The following PCDHA7 variants were observed in gnomAD, a reference collection of about 807,000 sequenced individuals.
The protein encoded by PCDHA7 is protocadherin alpha 7.
PCDHA7 carries 37 observed loss-of-function variants against 57.2 expected under a neutral mutation model. The ratio of observed to expected loss-of-function variants is 0.65; its 90% CI spans 0.50 to 0.85. PCDHA7 has a LOEUF of 0.85. PCDHA7 is among the 40% of genes least tolerant of loss of function. PCDHA7 has a pLI of 0.00. For missense variants in PCDHA7, 1,188 were observed against 1,241.8 expected (o/e 0.96, Z 0.65); for synonymous variants, 553 against 558.8 (o/e 0.99, Z 0.15).
chr5:140,843,489 G>T lies in PCDHA7; in HGVS notation c.2355+6751G>T, dbSNP rs2150361158. On this transcript the variant is annotated intron_variant, in intron 1 of 3. Transcript: ENST00000525929. ...CTGCTGCTGTACACTGCGCTGCGGT[G>T]CTCAGCACTGCCCACTGAGGGCGGG... The T allele has an allele frequency of 1.3e-6, 2 of 1,596,080 alleles. No homozygotes were observed. The highest frequency in any genetic ancestry group is 1.7e-6 in the Non-Finnish European group (2 of 1,165,638).
chr5:140,972,316 GT>G (rs112435719), intron 1 of PCDHA7, among the ~76,000 whole-genome samples: 1,932 of 139,568 alleles, frequency 0.014, 18 homozygotes, highest in African/African-American at 0.036. Context: ...GTTTTTAGGT[GT>G]TTTTTTTTTT....
chr5:140,929,528 T>C, intron 1 of PCDHA7: 1 of 693,446 alleles, frequency 1.4e-6, no homozygotes, highest in African/African-American at 1.9e-5. Context: ...TAGTTTATTT[T>C]TGAGAAACAA....
chr5:140,962,757 T>C (rs1554226219), intron 1 of PCDHA7, among the ~76,000 whole-genome samples: 1 of 152,240 alleles, frequency 6.6e-6, no homozygotes, highest in Non-Finnish European at 1.5e-5. Context: ...GGAATCCTAT[T>C]CGTTTTTAAC....
intron 1 of PCDHA7, among the ~76,000 whole-genome samples, chr5:140,970,594 T>C (rs975404675): frequency 6.6e-6 from 1 of 152,206 alleles, no homozygotes; most frequent in Admixed American, 6.5e-5. Flanking sequence ...ATATGCTTTG[T>C]GATACTTAAA....
At chr5:140,858,653 TTTTAAATAACAATTTATTCTGAATACAC>T in intron 1 of PCDHA7, 1 of 816,482 alleles carries the variant, frequency 1.2e-6, no homozygotes, top group Non-Finnish European at 1.9e-6. Flanking sequence ...ACTTAAATTT[TTTTAAATAACAATTTATTCTGAATACAC>T]TAATATTTTC....
chr5:140,883,065 C>G, intron 1 of PCDHA7: 1 of 1,614,056 alleles, frequency 6.2e-7, no homozygotes, highest in Non-Finnish European at 8.5e-7. Context: ...AAGCTAAATG[C>G]CACAGATCCT....
At chr5:140,988,468 A>G (rs1184589294) in intron 3 of PCDHA7, among the ~76,000 whole-genome samples, 1 of 152,186 alleles carries the variant, frequency 6.6e-6, no homozygotes, top group African/African-American at 2.4e-5. Flanking sequence ...GGGTGTGGGA[A>G]GGGGAATTAG....
intron 1 of PCDHA7, chr5:140,876,546 T>A (rs782795906): frequency 6.2e-7 from 1 of 1,614,218 alleles, no homozygotes; most frequent in Non-Finnish European, 8.5e-7. Context: ...TGTCGCTCCC[T>A]GTGCAAGAGG....
chr5:140,874,587 T>A (rs1221042797), intron 1 of PCDHA7, among the ~76,000 whole-genome samples: 1 of 152,256 alleles, frequency 6.6e-6, no homozygotes, highest in Admixed American at 6.5e-5. Flanking sequence ...TGCTTTGGGA[T>A]AGTGTGAAAT....
intron 1 of PCDHA7, among the ~76,000 whole-genome samples, chr5:140,880,234 G>T (rs560785672): frequency 1.8e-4 from 28 of 152,250 alleles, no homozygotes; most frequent in Non-Finnish European, 2.8e-4. Context: ...TTAAATTAGT[G>T]TATGTGCGTG....
At chr5:140,843,109 A>T (rs2150352812) in intron 1 of PCDHA7, 2 of 1,595,800 alleles carry the variant, frequency 1.3e-6, no homozygotes. Context: ...AGGTGCGCGC[A>T]GTGGACGCCG....
intron 1 of PCDHA7, chr5:140,871,103 C>G (rs202137231): frequency 4.3e-6 from 7 of 1,613,290 alleles, no homozygotes; most frequent in South Asian, 2.2e-5. Flanking sequence ...GTGCTGGTGT[C>G]GTTGGTGGAG....
chr5:140,855,741 A>C, intron 1 of PCDHA7: 2 of 313,634 alleles, frequency 6.4e-6, no homozygotes, highest in Non-Finnish European at 5.9e-6. Flanking sequence ...AAGAGACGTA[A>C]TGTGAGGCTT....
intron 1 of PCDHA7, among the ~76,000 whole-genome samples, chr5:140,948,351 A>C (rs951541212): frequency 6.6e-6 from 1 of 151,646 alleles, no homozygotes; most frequent in African/African-American, 2.4e-5. Flanking sequence ...TTCTAACCTA[A>C]TAAAATGACT....
At chr5:140,910,099 T>G (rs1554194123) in intron 1 of PCDHA7, among the ~76,000 whole-genome samples, 1 of 152,230 alleles carries the variant, frequency 6.6e-6, no homozygotes, top group African/African-American at 2.4e-5. Context: ...CAGCCTCCCC[T>G]TCATTTAAGG....
At chr5:140,919,358 T>C (rs2153553560) in intron 1 of PCDHA7, among the ~76,000 whole-genome samples, 1 of 152,356 alleles carries the variant, frequency 6.6e-6, no homozygotes, top group East Asian at 1.9e-4. Flanking sequence ...AATCTAAAAG[T>C]GTCTCCTGCA....
chr5:140,974,661 G>A (rs542677478), intron 1 of PCDHA7, among the ~76,000 whole-genome samples: 4 of 152,066 alleles, frequency 2.6e-5, no homozygotes, highest in South Asian at 4.2e-4. Context: ...ACAGGCATGC[G>A]CCACCATGCC....
chr5:140,836,302 C>G lies in PCDHA7; in HGVS notation c.1919C>G (p.Thr640Arg). ...AGCACGACACGAGCCCTAGATGAGA[C>G]GGACGCACCGCGCCACCGCCTTCTG... The part of the protein sequence containing the change: ...EISTTRALDE[T>R]DAPRHRLLVL... The change falls in exon 1 of 4, where the codon ACG (threonine) becomes AGG (arginine). Residue 640 changes from threonine (T) to arginine (R), a missense_variant. Thr to Arg is a moderately conservative substitution (Grantham distance 71). Around this residue, in one of 3 missense-constraint regions of PCDHA7, gnomAD observed 892 missense variants for 788.5 expected, o/e 1.13. Coordinates refer to ENST00000525929, the MANE Select transcript of PCDHA7 (RefSeq NM_018910.3). The G allele has an allele frequency of 1.9e-6, 3 of 1,613,734 alleles. No homozygotes were observed. The highest frequency in any genetic ancestry group is 2.2e-5 in the East Asian group (1 of 44,846).
chr5:140,877,350 G>A (rs376513441), intron 1 of PCDHA7: 2 of 1,613,896 alleles, frequency 1.2e-6, no homozygotes, highest in African/African-American at 1.3e-5. Flanking sequence ...ACGTGGGGCT[G>A]TACACTGGCG....
Sources: allele counts gnomAD v4.1 joint callset (sites outside exome capture counted in the v4.1 genomes callset), GRCh38; gene constraint gnomAD v4.1.1; regional missense constraint gnomAD v4.1.1; transcripts MANE v1.5; gene names NCBI Gene and HGNC (gene_info 2026-07-23, HGNC 2026-07-21).